FAM107B: variants seen among roughly 807,000 people sequenced by gnomAD.
FAM107B encodes family with sequence similarity 107 member B.
A neutral mutation model predicts 31.5 loss-of-function variants in FAM107B; 21 were observed. The ratio of observed to expected loss-of-function variants is 0.67; its 90% CI spans 0.47 to 0.96. The LOEUF (loss-of-function observed/expected upper bound fraction) is 0.96, where lower values mean the gene tolerates loss of function less well. FAM107B is among the 40% of genes least tolerant of loss of function. The pLI is 0.00. For synonymous variants in FAM107B, 157 were observed against 141.5 expected (o/e 1.11, Z -0.78); for missense variants, 452 against 377.1 (o/e 1.20, Z -1.64).
chr10:14,541,666 G>A (rs150870906), intron 2 of FAM107B, among the ~76,000 whole-genome samples: 23 of 152,260 alleles, frequency 1.5e-4, no homozygotes, highest in Middle Eastern at 6.8e-3. Flanking sequence ...AATTTCCCAC[G>A]TTTCCACACT....
chr10:14,571,628 T>G (rs760882715), intron 2 of FAM107B: 18 of 313,216 alleles, frequency 5.7e-5, no homozygotes, highest in Non-Finnish European at 1.9e-5. Flanking sequence ...TACCACTCAC[T>G]ATAACAACAT....
At chr10:14,584,041 C>T (rs1851744023) in intron 2 of FAM107B, among the ~76,000 whole-genome samples, 1 of 152,196 alleles carries the variant, frequency 6.6e-6, no homozygotes, top group Non-Finnish European at 1.5e-5. Context: ...GTAGGAGTTC[C>T]TAGCTACTCC....
chr10:14,623,484 C>T (rs902840305), intron 2 of FAM107B, among the ~76,000 whole-genome samples: 2 of 152,194 alleles, frequency 1.3e-5, no homozygotes, highest in Non-Finnish European at 2.9e-5. Context: ...ACAAAGGAAG[C>T]ACACATATTC....
chr10:14,704,904 A>T (rs1427083474), intron 1 of FAM107B, among the ~76,000 whole-genome samples: 1 of 151,588 alleles, frequency 6.6e-6, no homozygotes, highest in Non-Finnish European at 1.5e-5. Context: ...GGCAACTGTA[A>T]TCCCAGTTAC....
At chr10:14,536,552 C>A (rs1847630925) in intron 2 of FAM107B, among the ~76,000 whole-genome samples, 1 of 152,194 alleles carries the variant, frequency 6.6e-6, no homozygotes, top group South Asian at 2.1e-4. Context: ...CAGGCAGGAG[C>A]CTGAGTTCCG....
intron 1 of FAM107B, among the ~76,000 whole-genome samples, chr10:14,714,115 T>C (rs1030763382): frequency 2.0e-5 from 3 of 152,210 alleles, no homozygotes; most frequent in Non-Finnish European, 2.9e-5. Context: ...ATAATCTGTA[T>C]ACCAAAGCCC....
intron 2 of FAM107B, among the ~76,000 whole-genome samples, chr10:14,632,472 G>A (rs1181955687): frequency 2.6e-5 from 4 of 151,602 alleles, no homozygotes; most frequent in East Asian, 1.9e-4. Context: ...TTAGCTGGGC[G>A]TGGTGGCGGG....
At chr10:14,661,144 T>C (rs1854227923) in intron 2 of FAM107B, among the ~76,000 whole-genome samples, 1 of 152,224 alleles carries the variant, frequency 6.6e-6, no homozygotes, top group Non-Finnish European at 1.5e-5. Flanking sequence ...CCACGCTTCC[T>C]GTACAGCCTG....
intron 1 of FAM107B, among the ~76,000 whole-genome samples, chr10:14,678,154 C>T (rs905717272): frequency 1.1e-4 from 17 of 152,168 alleles, no homozygotes; most frequent in African/African-American, 4.1e-4. Context: ...ACGCTGAATC[C>T]AAAATGACTT....
At chr10:14,666,939 C>T (rs1367489992) in intron 2 of FAM107B, among the ~76,000 whole-genome samples, 1 of 152,190 alleles carries the variant, frequency 6.6e-6, no homozygotes, top group Non-Finnish European at 1.5e-5. Flanking sequence ...AGAACATGAG[C>T]CTTTGCCAGC....
intron 2 of FAM107B, among the ~76,000 whole-genome samples, chr10:14,581,852 G>A (rs1290056104): frequency 2.0e-5 from 3 of 152,182 alleles, no homozygotes; most frequent in Admixed American, 1.3e-4. Context: ...GCAGTGAACT[G>A]TGGTCACATC....
chr10:14,531,800 A>C (rs1271276271), intron 2 of FAM107B, among the ~76,000 whole-genome samples: 1 of 152,188 alleles, frequency 6.6e-6, no homozygotes, highest in African/African-American at 2.4e-5. Flanking sequence ...GCACCATTGC[A>C]CTCAGCCTGG....
intron 1 of FAM107B, among the ~76,000 whole-genome samples, chr10:14,749,779 C>G (rs142236530): frequency 3.1e-3 from 478 of 152,296 alleles, no homozygotes; most frequent in African/African-American, 0.011. Context: ...TGCCAGCAAC[C>G]ATGTCTTTTG....
chr10:14,588,598 AAGAC>A (rs1218463063), intron 2 of FAM107B, among the ~76,000 whole-genome samples: 1 of 152,084 alleles, frequency 6.6e-6, no homozygotes, highest in African/African-American at 2.4e-5. Flanking sequence ...AGTAGAGAAA[AAGAC>A]AGTCAACCAA....
chr10:14,525,488 A>C (rs1297072539), intron 3 of FAM107B, among the ~76,000 whole-genome samples: 1 of 152,356 alleles, frequency 6.6e-6, no homozygotes, highest in South Asian at 2.1e-4. Context: ...CGAATCGAGG[A>C]GCACCACTCC....
intron 1 of FAM107B, among the ~76,000 whole-genome samples, chr10:14,704,172 A>G (rs1588717073): frequency 6.6e-6 from 1 of 152,304 alleles, no homozygotes; most frequent in Admixed American, 6.5e-5. Flanking sequence ...AAATGCCCTT[A>G]GAGATTTTAA....
intron 2 of FAM107B, among the ~76,000 whole-genome samples, chr10:14,624,797 A>G (rs1453342808): frequency 6.6e-6 from 1 of 152,244 alleles, no homozygotes; most frequent in African/African-American, 2.4e-5. Flanking sequence ...GAGCTGTTAA[A>G]TCAATAATAC....
intron 1 of FAM107B, among the ~76,000 whole-genome samples, chr10:14,670,627 T>G (rs1433583924): frequency 6.6e-6 from 1 of 152,246 alleles, no homozygotes; most frequent in Non-Finnish European, 1.5e-5. Flanking sequence ...TACTTTTTTA[T>G]TGCTCTGAAT....
chr10:14,735,930 TC>T (rs1856289960), intron 1 of FAM107B, among the ~76,000 whole-genome samples: 1 of 152,144 alleles, frequency 6.6e-6, no homozygotes, highest in Non-Finnish European at 1.5e-5. Flanking sequence ...CTATTATGTA[TC>T]TATTATGTTT....
Sources: gnomAD v4.1 joint callset for allele counts (sites outside exome capture counted in the v4.1 genomes callset) on GRCh38, gnomAD v4.1.1 for gene constraint, MANE v1.5 for transcripts, NCBI Gene and HGNC (gene_info 2026-07-23, HGNC 2026-07-21) for gene names.